ADGRF1: variants seen among roughly 807,000 people sequenced by gnomAD.
ADGRF1 encodes the protein G protein-coupled receptor 110.
ADGRF1 carries 85 observed loss-of-function variants against 87.2 expected under a neutral mutation model. That is an observed-to-expected ratio of 0.97 (90% confidence interval 0.82 to 1.17). ADGRF1 has a LOEUF of 1.17. Among genes scored for constraint, ADGRF1 ranks in the 50% most tolerant of loss-of-function variants. The pLI, the probability that ADGRF1 is intolerant of heterozygous loss-of-function variation, is 0.00. For synonymous variants in ADGRF1, 430 were observed against 408.8 expected, an observed-to-expected ratio of 1.05 and a Z score of -0.63; for missense variants, 1,169 against 1,077.2, an observed-to-expected ratio of 1.09 and a Z score of -1.19.
At position 46,998,805 on chromosome 6, in the gene ADGRF1, T is replaced by C. The variant is rs1286526990; in HGVS notation, c.*1417A>G. 6.6e-6 allele frequency: 1 copy of C among 152,268 alleles called. No individual in the cohort carries two copies. Among genetic ancestry groups the C allele is most frequent in the Admixed American group, 6.5e-5 (1 of 15,290 alleles). 9.4% of individuals were successfully genotyped at this position (152,268 alleles called of 1,614,324 possible). A position where few individuals can be genotyped will look rare whatever the true frequency, so the allele number is the denominator to read the frequency against. ...AAATTCTGTTGACTCTCATACATAT[T>C]TGTGGGGTATAGAACCATCTAACTG... On this transcript the variant is annotated 3_prime_UTR_variant, in exon 15 of 15. Coordinates refer to ENST00000371253, the MANE Select transcript of ADGRF1 (RefSeq NM_153840.4).
chr6:47,033,714 T>C (rs1261898295), intron 1 of ADGRF1, among the ~76,000 whole-genome samples: 1 of 152,274 alleles, frequency 6.6e-6, no homozygotes, highest in Non-Finnish European at 1.5e-5. Flanking sequence ...GGTTTTGCTT[T>C]ATCTCTCATT....
At chr6:47,027,804 G>C in intron 2 of ADGRF1, 43 bp from the exon 3 acceptor site, 1 of 1,158,322 alleles carries the variant, frequency 8.6e-7, no homozygotes, top group Non-Finnish European at 1.3e-6. Flanking sequence ...ACTTTGAAGA[G>C]TTGTGCTTCA....
chr6:47,032,252 T>C (rs1025117568), intron 1 of ADGRF1, among the ~76,000 whole-genome samples: 4 of 152,248 alleles, frequency 2.6e-5, no homozygotes, highest in African/African-American at 7.2e-5. Flanking sequence ...CTCTGGGATT[T>C]GAAACCAAAG....
Position 47,014,554 on chromosome 6 carries a change from C to T in ADGRF1, c.927+127G>A, listed in dbSNP as rs1779804753. The T allele has an allele frequency of 2.3e-5, 34 of 1,478,860 alleles. No individual in the cohort carries two copies. In the South Asian group the frequency reaches 4.5e-4, roughly 20 times the overall value. 91.6% of individuals were successfully genotyped at this position (1,478,860 alleles called of 1,614,324 possible). A position where few individuals can be genotyped will look rare whatever the true frequency, so the allele number is the denominator to read the frequency against. On this transcript the variant is annotated intron_variant, in intron 9 of 14. Transcript: ENST00000371253. ...GGGTTCACCAGGGTCTGATGTCATC[C>T]TTGCTCTTTGCATACTGGCCAATGA...
intron 7 of ADGRF1, chr6:47,018,381 A>G: frequency 7.9e-7 from 1 of 1,266,266 alleles, no homozygotes; most frequent in South Asian, 1.3e-5. Context: ...TTACTAATTG[A>G]TCGGAAGTTC....
chr6:47,028,031 G>GTCTC (rs1780296800), intron 2 of ADGRF1, among the ~76,000 whole-genome samples: 1 of 152,172 alleles, frequency 6.6e-6, no homozygotes, highest in African/African-American at 2.4e-5. Context: ...GGGTCAGAGG[G>GTCTC]TCTCTGGGGA....
At chr6:47,038,377 A>G (rs899205930) in intron 1 of ADGRF1, among the ~76,000 whole-genome samples, 1 of 152,188 alleles carries the variant, frequency 6.6e-6, no homozygotes, top group African/African-American at 2.4e-5. Flanking sequence ...CAAGTTTGCC[A>G]ACTATTTTTC....
intron 10 of ADGRF1, among the ~76,000 whole-genome samples, chr6:47,011,558 TCC>T (rs1326206128): frequency 6.6e-6 from 1 of 152,252 alleles, no homozygotes; most frequent in African/African-American, 2.4e-5. Context: ...TATTTGCACT[TCC>T]TATAGTGACC....
In ADGRF1 at chr6:47,038,150, C is replaced by T. The variant is rs969547845; in HGVS notation, c.-44+4041G>A. 8.6e-4 allele frequency among the ~76,000 whole-genome samples: 131 copies of T among 152,292 alleles called. 1 individual carries two copies. Among genetic ancestry groups the T allele is most frequent in the African/African-American group, 3.1e-3 (127 of 41,560 alleles). ...TGCTGGGATTACAGGCGTGAGGCAC[C>T]GTGTCCGGCCGAAGAATGTGTTTTC... On this transcript the variant is annotated intron_variant, in intron 1 of 14. Transcript: ENST00000371253.
In ADGRF1 at chr6:46,998,126, G is replaced by C. The variant is rs1779262220; in HGVS notation, c.*2096C>G. 1 of 152,100 alleles carries C rather than the reference G, an allele frequency of 6.6e-6. No homozygotes were observed. Among genetic ancestry groups the C allele is most frequent in the South Asian group, 2.1e-4 (1 of 4,828 alleles). The allele number at this position is 152,100 out of a possible 1,614,324, so 9.4% of individuals were successfully genotyped here. The stretch of plus-strand genomic sequence containing the variant: ...CTTCCACCCCACCTTGGACACGGAG[G>C]TTTCTGGCCTCCCTTTCCCCAAGGT... On this transcript the variant is annotated 3_prime_UTR_variant, in exon 15 of 15. Transcript: ENST00000371253.
At chr6:47,017,930 A>G (rs192768668) in intron 7 of ADGRF1, 38 of 155,442 alleles carry the variant, frequency 2.4e-4, no homozygotes, top group Admixed American at 7.5e-4. Flanking sequence ...GTTTGAGCAC[A>G]TAACTGTGTG....
Position 47,025,922 on chromosome 6 carries a change from T to C in ADGRF1, c.209A>G (p.Lys70Arg). The C allele has an allele frequency of 3.7e-6, 6 of 1,612,360 alleles. No individual in the cohort carries two copies. The highest frequency in any genetic ancestry group is 5.1e-6 in the Non-Finnish European group (6 of 1,179,508). The change falls in exon 4 of 15, where the codon AAG (lysine) becomes AGG (arginine). Residue 70 changes from lysine (K) to arginine (R), a missense_variant. Physicochemically the swap from Lys to Arg is conservative, Grantham distance 26. Coordinates refer to ENST00000371253, the MANE Select transcript of ADGRF1 (RefSeq NM_153840.4). The stretch of plus-strand genomic sequence containing the variant: ...CCATAATAATGGAGGCTTCAAGAGC[T>C]TCAGAAAATTTCTCAAATCTCTTTT... ...KEKRDLRNFL[K>R]LLKPPLLWSH...
In ADGRF1 at chr6:47,018,608, T is replaced by G. The variant is rs775419635; in HGVS notation, c.612-1840A>C. On this transcript the variant is annotated intron_variant, in intron 7 of 14. Transcript: ENST00000371253. ...CTGTTTGACAGATAAGTAAATAGAG[T>G]GAGAGATTAAGATTTATTTTAATCT... The G allele has an allele frequency of 3.9e-6, 5 of 1,288,568 alleles. No individual in the cohort carries two copies. The Admixed American group carries it at 9.2e-5, about 24-fold the overall frequency. 79.8% of individuals were successfully genotyped at this position (1,288,568 alleles called of 1,614,324 possible).
At chr6:47,031,913 A>G (rs571214912) in intron 1 of ADGRF1, among the ~76,000 whole-genome samples, 3 of 151,878 alleles carry the variant, frequency 2.0e-5, no homozygotes, top group Non-Finnish European at 4.4e-5. Context: ...GTTTCACTAT[A>G]TTGTCCAAGC....
chr6:47,014,596 TA>T, intron 9 of ADGRF1, 84 bp downstream of exon 9: 1 of 1,547,338 alleles, frequency 6.5e-7, no homozygotes. Flanking sequence ...TAGGTATACT[TA>T]CCCTCCACCT....
intron 13 of ADGRF1, 137 bp downstream of exon 13, chr6:47,005,680 G>A (rs1779504630): frequency 1.7e-6 from 1 of 586,280 alleles, no homozygotes; most frequent in Non-Finnish European, 3.1e-6. Flanking sequence ...CAGGCTCCAT[G>A]TCAGATACCA....
Position 47,009,984 on chromosome 6 carries a change from G to A in ADGRF1, c.1451C>T (p.Ser484Leu), listed in dbSNP as rs139003888. 918 of 1,614,138 alleles carry A rather than the reference G, an allele frequency of 5.7e-4. 3 individuals are homozygous for A. The African/African-American group carries it at 0.01, about 18-fold the overall frequency. The change falls in exon 11 of 15, where the codon TCG becomes TTG. Residue 484 changes from serine to leucine, a missense_variant. Physicochemically the swap from Ser to Leu is moderately radical, Grantham distance 145 (BLOSUM62 -2). Coordinates refer to ENST00000371253, the MANE Select transcript of ADGRF1 (RefSeq NM_153840.4). ...SLPETIISMA[S>L]LTLGNILPVS... ...GGGTAGAATGTTCCCCAGAGTCAACGAGGCCATGCTGATAATAGTTTCTGG... is the reference window on the plus strand; with the variant it reads ...GGGTAGAATGTTCCCCAGAGTCAACAAGGCCATGCTGATAATAGTTTCTGG...
intron 7 of ADGRF1, 32 bp from the exon 8 acceptor site, chr6:47,016,800 T>C (rs750884217): frequency 6.5e-7 from 1 of 1,548,488 alleles, no homozygotes; most frequent in Non-Finnish European, 8.8e-7. Flanking sequence ...AGAAATGAGA[T>C]TCACTACTTA....
intron 2 of ADGRF1, among the ~76,000 whole-genome samples, chr6:47,028,367 A>G (rs1352961596): frequency 2.6e-5 from 4 of 152,220 alleles, no homozygotes; most frequent in African/African-American, 9.6e-5. Context: ...ATGGAATGTG[A>G]GAAGAGTCAA....
Sources: allele counts gnomAD v4.1 joint callset (sites outside exome capture counted in the v4.1 genomes callset), GRCh38; gene constraint gnomAD v4.1.1; transcripts MANE v1.5; gene names NCBI Gene and HGNC (gene_info 2026-07-23, HGNC 2026-07-21).